Variants in LRP1 observed in about 807,000 individuals in gnomAD.
LRP1 encodes the protein LDL receptor related protein 1, also known as prolow-density lipoprotein receptor-related protein 1.
In LRP1, 51 loss-of-function variants were observed where a neutral mutation model predicts 541.5. The observed-to-expected ratio is 0.09, with a 90% CI of 0.08 to 0.12. The LOEUF (loss-of-function observed/expected upper bound fraction) is 0.12. Among genes scored for constraint, LRP1 ranks in the 10% least tolerant of loss-of-function variants. LRP1 has a pLI of 1.00. For missense variants in LRP1, 3,878 were observed against 6,376.2 expected (o/e 0.61, Z 13.34); for synonymous variants, 2,219 against 2,470.8 (o/e 0.90, Z 3.02).
intron 1 of LRP1, chr12:57,132,149 C>T (rs1028261466): frequency 6.6e-6 from 1 of 152,346 alleles, no homozygotes; most frequent in African/African-American, 2.4e-5. Flanking sequence ...CTGCCTCCCT[C>T]TTCTGTCCCA....
intron 68 of LRP1, chr12:57,202,770 GTC>G (rs2036684622): frequency 1.7e-6 from 1 of 592,342 alleles, no homozygotes; most frequent in African/African-American, 1.9e-5. Context: ...AGAGGTAGGT[GTC>G]TCTGATGTGC....
rs2036727899 is a variant in LRP1, at chr12:57,204,538, T to C, written c.11071+9T>C. 6.2e-7 allele frequency: 1 copy of C among 1,605,860 alleles called. No homozygotes were observed. Among genetic ancestry groups the C allele is most frequent in the African/African-American group, 1.3e-5 (1 of 74,800 alleles). ...GAACCCCGAGGAGTGTGGTGAGATT[T>C]GGGGCGGGGCTCCCAGGCTTCCCAG... is the stretch of plus-strand genomic sequence containing the variant. On this transcript the variant is annotated intron_variant, in intron 71 of 88. Coordinates refer to ENST00000243077, the MANE Select transcript of LRP1 (RefSeq NM_002332.3). The surrounding 1 kb of genome is among the most constrained non-coding windows in gnomAD (Gnocchi z 5.3).
At chr12:57,135,664 C>T (rs564891898) in intron 1 of LRP1, among the ~76,000 whole-genome samples, 25 of 152,346 alleles carry the variant, frequency 1.6e-4, no homozygotes, top group African/African-American at 3.1e-4. Context: ...CCCCCTCCCC[C>T]GGTGCTGCTG....
chr12:57,159,199 G>A (rs2035680995), intron 11 of LRP1, among the ~76,000 whole-genome samples: 1 of 152,172 alleles, frequency 6.6e-6, no homozygotes, highest in African/African-American at 2.4e-5. Flanking sequence ...CTGCACTTGG[G>A]CCTCAGGATC....
At chr12:57,172,594 T>C (rs1163502744) in intron 20 of LRP1, among the ~76,000 whole-genome samples, 1 of 152,218 alleles carries the variant, frequency 6.6e-6, no homozygotes, top group Non-Finnish European at 1.5e-5. Context: ...CATGCAGGCC[T>C]CTGCTCAGAT....
chr12:57,177,279 T>C lies in LRP1; in HGVS notation c.4196+34T>C, dbSNP rs2036065756. 6.2e-7 allele frequency: 1 copy of C among 1,607,410 alleles called. No individual in the cohort carries two copies. Among genetic ancestry groups the C allele is most frequent in the South Asian group, 1.1e-5 (1 of 90,810 alleles). On this transcript the variant is annotated intron_variant, in intron 25 of 88. Transcript: ENST00000243077. The surrounding 1 kb of genome is among the most constrained non-coding windows in gnomAD (Gnocchi z 6.8). Reference sequence around the variant, plus strand: ...CTTGCCCAGCCTTCTCCTGGCCCCATGGCCCCCCTGAAGTCCCATTCAGCC... The same window carrying C: ...CTTGCCCAGCCTTCTCCTGGCCCCACGGCCCCCCTGAAGTCCCATTCAGCC...
At position 57,181,248 on chromosome 12, in the gene LRP1, C is replaced by T; in HGVS notation, c.5619C>T (p.Cys1873=). 9 of 1,613,604 alleles carry T rather than the reference C, an allele frequency of 5.6e-6. No homozygotes were observed. The highest frequency in any genetic ancestry group is 7.6e-6 in the Non-Finnish European group (9 of 1,180,018). The change falls in exon 34 of 89, where the codon TGC becomes TGT. Residue 1873 remains cysteine, a synonymous_variant. Coordinates refer to ENST00000243077, the MANE Select transcript of LRP1 (RefSeq NM_002332.3). ...CAGAGACGACCCGCTCCTGCATGTGCACAGCCGGCTATAGCCTCCGGAGTG... is the reference window on the plus strand; with the variant it reads ...CAGAGACGACCCGCTCCTGCATGTGTACAGCCGGCTATAGCCTCCGGAGTG... ...PTSETTRSCM[C]TAGYSLRSGQ...
At chr12:57,203,148 C>A in intron 68 of LRP1, 33 bp from the exon 69 acceptor site, 2 of 1,465,942 alleles carry the variant, frequency 1.4e-6, no homozygotes, top group Non-Finnish European at 1.9e-6. Flanking sequence ...TTGTGCCCAC[C>A]CTCCTGGGCC....
At chr12:57,203,337 A>G in intron 69 of LRP1, 50 bp downstream of exon 69, 1 of 1,590,504 alleles carries the variant, frequency 6.3e-7, no homozygotes, top group Admixed American at 1.7e-5. Context: ...GAGTTCAGGC[A>G]GGGCTTGGGG....
Position 57,177,126 on chromosome 12 carries a change from C to T in LRP1, c.4077C>T (p.Tyr1359=), listed in dbSNP as rs1371088905. 1.2e-6 allele frequency: 2 copies of T among 1,614,122 alleles called. No individual in the cohort carries two copies. The highest frequency in any genetic ancestry group is 1.7e-6 in the Non-Finnish European group (2 of 1,180,050). ...TAGACTGGATTGCAGGCAACATCTA[C>T]TGGGTGGAGAGTAACCTGGATCAGA... ...LAVDWIAGNI[Y]WVESNLDQIE... Residue 1359 remains tyrosine (Y), a synonymous_variant, in exon 25 of 89, where the codon TAC becomes TAT. Coordinates refer to ENST00000243077, the MANE Select transcript of LRP1 (RefSeq NM_002332.3). The surrounding 1 kb of genome is among the most constrained non-coding windows in gnomAD (Gnocchi z 6.8).
intron 6 of LRP1, among the ~76,000 whole-genome samples, chr12:57,148,236 AT>A: frequency 6.6e-6 from 1 of 152,218 alleles, no homozygotes; most frequent in South Asian, 2.1e-4. Flanking sequence ...AGCACATCAA[AT>A]CTGTTACTTC....
intron 42 of LRP1, among the ~76,000 whole-genome samples, chr12:57,190,475 G>A (rs1378609026): frequency 6.6e-6 from 1 of 152,220 alleles, no homozygotes; most frequent in East Asian, 1.9e-4. Flanking sequence ...CTAGCTGGTG[G>A]GTGGTGGAGC....
rs529548620 is a variant in LRP1 at position 57,162,055 on chromosome 12, T to C, written c.2203-262T>C. Among the ~76,000 whole-genome samples, 1 of 152,024 alleles carries C rather than the reference T, an allele frequency of 6.6e-6. No individual in the cohort carries two copies. Among genetic ancestry groups the C allele is most frequent in the African/African-American group, 2.4e-5 (1 of 41,436 alleles). ...CGTGTGTGTGTTTGGGGACTATGAATGAATAGGAATGAGCCCAGGAGAGGA... is the reference window on the plus strand; with the variant it reads ...CGTGTGTGTGTTTGGGGACTATGAACGAATAGGAATGAGCCCAGGAGAGGA... On this transcript the variant is annotated intron_variant, in intron 13 of 88. Coordinates refer to ENST00000243077, the MANE Select transcript of LRP1 (RefSeq NM_002332.3). The surrounding 1 kb of genome is among the most constrained non-coding windows in gnomAD (Gnocchi z 5.2).
In LRP1 at chr12:57,158,339, C is replaced by A; in HGVS notation, c.1562-63C>A. The A allele has an allele frequency of 1.4e-6, 2 of 1,380,938 alleles. No homozygotes were observed. Among genetic ancestry groups the A allele is most frequent in the East Asian group, 2.3e-5 (1 of 43,518 alleles). The allele number at this position is 1,380,938 out of a possible 1,614,324, so 85.5% of individuals were successfully genotyped here. On this transcript the variant is annotated intron_variant, in intron 10 of 88. Coordinates refer to ENST00000243077, the MANE Select transcript of LRP1 (RefSeq NM_002332.3). The surrounding 1 kb of genome is among the most constrained non-coding windows in gnomAD (Gnocchi z 5.3). ...GGGCATTGCAGCCCCTTGGCCGCAG[C>A]CCCTGGGTGGGGATGATGGTCATGT... is the stretch of plus-strand genomic sequence containing the variant.
chr12:57,188,187 C>G (rs1289437538), intron 42 of LRP1, among the ~76,000 whole-genome samples: 1 of 152,152 alleles, frequency 6.6e-6, no homozygotes, highest in Non-Finnish European at 1.5e-5. Context: ...GGAGGGTTCA[C>G]CCGCAGTCAG....
chr12:57,207,833 A>G (rs1449124788), intron 76 of LRP1, among the ~76,000 whole-genome samples: 1 of 152,262 alleles, frequency 6.6e-6, no homozygotes, highest in Non-Finnish European at 1.5e-5. Flanking sequence ...GATCATCGCC[A>G]TTGCACAGGC....
chr12:57,208,420 T>A (rs2036833787), intron 77 of LRP1: 1 of 627,340 alleles, frequency 1.6e-6, no homozygotes, highest in African/African-American at 1.8e-5. Context: ...TGGGCCTGCT[T>A]GGGCAGGGAT....
Position 57,154,063 on chromosome 12 carries a change from C to A in LRP1, c.842-145C>A. 2.8e-6 allele frequency: 2 copies of A among 707,816 alleles called. No individual in the cohort carries two copies. The highest frequency in any genetic ancestry group is 4.9e-6 in the Non-Finnish European group (2 of 411,540). 43.8% of individuals were successfully genotyped at this position (707,816 alleles called of 1,614,324 possible). A position where few individuals can be genotyped will look rare whatever the true frequency, so the allele number is the denominator to read the frequency against. ...CATTTACGCAAGCCCTCCTGTATAT[C>A]CACTCTGAGCTAAGCATGGGGGTGT... On this transcript the variant is annotated intron_variant, in intron 6 of 88. Coordinates refer to ENST00000243077, the MANE Select transcript of LRP1 (RefSeq NM_002332.3). The surrounding 1 kb of genome is among the most constrained non-coding windows in gnomAD (Gnocchi z 4.6).
In LRP1 at chr12:57,197,177, G is replaced by A. The variant is rs200532034; in HGVS notation, c.9076+12G>A. On this transcript the variant is annotated intron_variant, in intron 56 of 88. Transcript: ENST00000243077. This position sits in a 1 kb window ranked among gnomAD's most constrained non-coding sequence, Gnocchi z 4.5. ...CAAGGCTGTGACTGGTGAGATGCGCGCTTGGAGGGCATGAGGTGACCCAGG... is the reference window on the plus strand; with the variant it reads ...CAAGGCTGTGACTGGTGAGATGCGCACTTGGAGGGCATGAGGTGACCCAGG... 3.1e-4 allele frequency: 507 copies of A among 1,613,748 alleles called. No individual in the cohort carries two copies. Among genetic ancestry groups the A allele is most frequent in the Non-Finnish European group, 4.2e-4 (492 of 1,179,996 alleles).
Sources: allele counts gnomAD v4.1 joint callset (sites outside exome capture counted in the v4.1 genomes callset), GRCh38; gene constraint gnomAD v4.1.1; non-coding constraint Gnocchi (gnomAD v3.1); transcripts MANE v1.5; gene names NCBI Gene and HGNC (gene_info 2026-07-23, HGNC 2026-07-21).